The following SLC25A21 variants were observed in gnomAD, a reference collection of about 807,000 sequenced individuals.
The protein encoded by SLC25A21 is solute carrier family 25 member 21, also known as mitochondrial 2-oxodicarboxylate carrier.
Under a neutral mutation model 43.8 loss-of-function variants are expected in SLC25A21, and 47 were observed. That is an observed-to-expected ratio of 1.07 (90% CI 0.85 to 1.37). The LOEUF (loss-of-function observed/expected upper bound fraction) is 1.37. SLC25A21 is among the 40% of genes most tolerant of loss of function. The pLI is 0.00. For missense variants in SLC25A21, 352 were observed against 350.2 expected (o/e 1.00, Z -0.04); for synonymous variants, 131 against 121.3 (o/e 1.08, Z -0.52).
chr14:36,998,776 G>T (rs946160728), intron 1 of SLC25A21, among the ~76,000 whole-genome samples: 2 of 151,126 alleles, frequency 1.3e-5, no homozygotes, highest in African/African-American at 4.9e-5. Flanking sequence ...AAGATATATG[G>T]ATGTCAAATA....
chr14:36,945,112 G>A (rs1010914154), intron 1 of SLC25A21, among the ~76,000 whole-genome samples: 5 of 152,008 alleles, frequency 3.3e-5, no homozygotes, highest in Admixed American at 2.6e-4. Context: ...AGTTCTTCAG[G>A]ACTACCTGTG....
At chr14:36,907,704 C>A (rs569002489) in intron 1 of SLC25A21, among the ~76,000 whole-genome samples, 29 of 152,176 alleles carry the variant, frequency 1.9e-4, no homozygotes, top group Non-Finnish European at 3.5e-4. Context: ...AGAAGCTTAT[C>A]AGACTGGATG....
At chr14:36,874,712 A>G (rs1346924683) in intron 2 of SLC25A21, among the ~76,000 whole-genome samples, 1 of 152,230 alleles carries the variant, frequency 6.6e-6, no homozygotes, top group Non-Finnish European at 1.5e-5. Context: ...ATAGCTACAA[A>G]TCATATCTTA....
rs191114575 is a variant in SLC25A21 at position 36,854,929 on chromosome 14, G to A, written c.119+20027C>T. Among the ~76,000 whole-genome samples, 926 of 129,110 alleles carry A rather than the reference G, an allele frequency of 7.2e-3. 11 individuals are homozygous for A. Among genetic ancestry groups the A allele is most frequent in the African/African-American group, 0.029 (905 of 31,554 alleles). The allele number at this position is 129,110 out of a possible 152,430, so 84.7% of individuals were successfully genotyped here. A position where few individuals can be genotyped will look rare whatever the true frequency, so the allele number is the denominator to read the frequency against. ...TGTCTTTTGTTCTTTTCTGGGGCAT[G>A]AGGTGGGGGGGGGTATTCTGCCATC... On this transcript the variant is annotated intron_variant, in intron 2 of 9. Coordinates refer to ENST00000331299, the MANE Select transcript of SLC25A21 (RefSeq NM_030631.4).
chr14:37,087,680 T>C (rs933152835), intron 1 of SLC25A21, among the ~76,000 whole-genome samples: 22 of 152,210 alleles, frequency 1.4e-4, no homozygotes, highest in East Asian at 3.8e-4. Context: ...CTTTGGTAAA[T>C]AGACCTCACA....
intron 3 of SLC25A21, among the ~76,000 whole-genome samples, chr14:36,773,901 G>A (rs1220049602): frequency 6.6e-6 from 1 of 152,192 alleles, no homozygotes; most frequent in East Asian, 1.9e-4. Flanking sequence ...CAAGATGATG[G>A]TTCAAAGGTA....
At chr14:36,766,089 C>T (rs901295744) in intron 3 of SLC25A21, among the ~76,000 whole-genome samples, 1 of 151,826 alleles carries the variant, frequency 6.6e-6, no homozygotes, top group African/African-American at 2.4e-5. Flanking sequence ...CTAGTTCTTG[C>T]CTAGACTCCT....
intron 1 of SLC25A21, among the ~76,000 whole-genome samples, chr14:37,043,152 A>G (rs1048680397): frequency 6.6e-6 from 1 of 152,170 alleles, no homozygotes; most frequent in African/African-American, 2.4e-5. Context: ...TTGCTTAAAT[A>G]CATCCACATC....
At chr14:36,962,787 C>A (rs1223288076) in intron 1 of SLC25A21, among the ~76,000 whole-genome samples, 1 of 152,100 alleles carries the variant, frequency 6.6e-6, no homozygotes, top group African/African-American at 2.4e-5. Flanking sequence ...TAATAAAATA[C>A]CGTGTAACCA....
At chr14:36,933,413 G>A (rs963754406) in intron 1 of SLC25A21, among the ~76,000 whole-genome samples, 2 of 151,966 alleles carry the variant, frequency 1.3e-5, no homozygotes, top group African/African-American at 4.8e-5. Flanking sequence ...TCCACCACCG[G>A]GATATTTGAT....
chr14:36,692,497 TC>T (rs1435631838), intron 7 of SLC25A21, among the ~76,000 whole-genome samples: 1 of 152,192 alleles, frequency 6.6e-6, no homozygotes, highest in African/African-American at 2.4e-5. Context: ...GGCATATGCC[TC>T]CCCTTTTACC....
intron 1 of SLC25A21, among the ~76,000 whole-genome samples, chr14:37,036,504 T>C (rs1171652954): frequency 6.6e-6 from 1 of 152,216 alleles, no homozygotes; most frequent in Non-Finnish European, 1.5e-5. Flanking sequence ...TCCTAGCACT[T>C]TGGGAGGCCG....
At chr14:37,170,362 A>C (rs921610032) in intron 1 of SLC25A21, among the ~76,000 whole-genome samples, 5 of 152,156 alleles carry the variant, frequency 3.3e-5, no homozygotes, top group African/African-American at 1.2e-4. Flanking sequence ...ACATTCTTTG[A>C]GTTTAGCTGT....
At chr14:36,711,212 T>C (rs1225424413) in intron 7 of SLC25A21, 106 bp downstream of exon 7, 1 of 958,350 alleles carries the variant, frequency 1.0e-6, no homozygotes, top group East Asian at 2.6e-5. Flanking sequence ...AGATAATAGA[T>C]GTAGGTGTCC....
chr14:36,904,218 C>T (rs911806052), intron 1 of SLC25A21, among the ~76,000 whole-genome samples: 8 of 152,054 alleles, frequency 5.3e-5, no homozygotes, highest in African/African-American at 1.4e-4. Context: ...ATTGACCACG[C>T]GTAAGTCAAT....
intron 2 of SLC25A21, among the ~76,000 whole-genome samples, chr14:36,844,456 T>C (rs2138504465): frequency 6.6e-6 from 1 of 152,102 alleles, no homozygotes; most frequent in Admixed American, 6.5e-5. Flanking sequence ...CCAGGTCACA[T>C]AAAACTGGAT....
At chr14:36,993,709 T>C (rs989306) in intron 1 of SLC25A21, among the ~76,000 whole-genome samples, 13,123 of 152,170 alleles carry the variant, frequency 0.086, 603 homozygotes, top group African/African-American at 0.12. Context: ...ATCATAAATG[T>C]TAACTAGTGT....
chr14:36,696,268 A>T (rs1205644861), intron 7 of SLC25A21, among the ~76,000 whole-genome samples: 1 of 151,384 alleles, frequency 6.6e-6, no homozygotes, highest in African/African-American at 2.4e-5. Context: ...TGACTTGATC[A>T]TGGTGGATAA....
chr14:36,858,197 A>G (rs1271264787), intron 2 of SLC25A21, among the ~76,000 whole-genome samples: 1 of 152,026 alleles, frequency 6.6e-6, no homozygotes, highest in Non-Finnish European at 1.5e-5. Context: ...GAAGTGAATG[A>G]CCCATGATTC....
Sources: allele counts gnomAD v4.1 joint callset (sites outside exome capture counted in the v4.1 genomes callset), GRCh38; gene constraint gnomAD v4.1.1; transcripts MANE v1.5; gene names NCBI Gene and HGNC (gene_info 2026-07-23, HGNC 2026-07-21).